Variants in MLIP observed in about 807,000 individuals in gnomAD.
The protein encoded by MLIP is muscular LMNA interacting protein, also known as muscular LMNA-interacting protein.
Under a neutral mutation model 84.8 loss-of-function variants are expected in MLIP, and 79 were observed. That is an observed-to-expected ratio of 0.93 (90% CI 0.78 to 1.12). The LOEUF (loss-of-function observed/expected upper bound fraction) is 1.12, where lower values mean the gene tolerates loss of function less well. Ranked by LOEUF, MLIP falls within the 50% of genes most tolerant of loss-of-function variation. The pLI, the probability that MLIP is intolerant of heterozygous loss-of-function variation, is 0.00. For missense variants in MLIP, 1,257 were observed against 1,160.6 expected (o/e 1.08, Z -1.21); for synonymous variants, 504 against 463.0 (o/e 1.09, Z -1.14).
chr6:54,025,565 C>T (rs1468690467), intron 1 of MLIP, among the ~76,000 whole-genome samples: 1 of 152,042 alleles, frequency 6.6e-6, no homozygotes, highest in Non-Finnish European at 1.5e-5. Context: ...ATTTTTTTGG[C>T]ATTACATCAT....
rs1032818379 is a variant in MLIP at position 54,160,362 on chromosome 6, A to T, written c.2290-5A>T. ...TCATATAAGAACTATTTCATTTGTCACTAGGCACTAGATGAACCAGCCAAG... is the reference window on the plus strand; with the variant it reads ...TCATATAAGAACTATTTCATTTGTCTCTAGGCACTAGATGAACCAGCCAAG... On this transcript the variant is annotated splice_region_variant and splice_polypyrimidine_tract_variant and intron_variant, in intron 5 of 13. Coordinates refer to ENST00000502396, the MANE Select transcript of MLIP (RefSeq NM_001281747.2). 9.3e-6 allele frequency: 15 copies of T among 1,610,760 alleles called. No homozygotes were observed. Among genetic ancestry groups the T allele is most frequent in the Middle Eastern group, 3.3e-4 (2 of 6,062 alleles).
intron 3 of MLIP, among the ~76,000 whole-genome samples, chr6:54,132,718 T>C (rs1390059428): frequency 1.3e-5 from 2 of 152,144 alleles, no homozygotes; most frequent in African/African-American, 4.8e-5. Flanking sequence ...AGGACCCAGC[T>C]GAGACTATAG....
intron 1 of MLIP, among the ~76,000 whole-genome samples, chr6:54,096,398 G>A (rs568159934): frequency 4.5e-4 from 68 of 152,252 alleles, no homozygotes; most frequent in African/African-American, 1.6e-3. Context: ...CCCAGATCCC[G>A]TTTTGAGAAA....
chr6:54,256,284 C>T (rs902136282), intron 12 of MLIP, among the ~76,000 whole-genome samples: 18 of 152,128 alleles, frequency 1.2e-4, no homozygotes, highest in Non-Finnish European at 2.4e-4. Flanking sequence ...CCTCCTTGGC[C>T]TCCCTAGCAG....
intron 11 of MLIP, among the ~76,000 whole-genome samples, chr6:54,222,577 C>T (rs1203523080): frequency 1.3e-5 from 2 of 151,944 alleles, no homozygotes; most frequent in African/African-American, 2.4e-5. Context: ...ATTAATATTC[C>T]ATTATATGTA....
intron 9 of MLIP, among the ~76,000 whole-genome samples, chr6:54,183,828 T>G (rs1485396379): frequency 7.2e-6 from 1 of 138,328 alleles, no homozygotes; most frequent in Non-Finnish European, 1.5e-5. Context: ...CACTGCAACC[T>G]CCGACTCTTA....
chr6:54,124,227 CAGTT>C (rs1770710072), intron 2 of MLIP, among the ~76,000 whole-genome samples: 1 of 152,102 alleles, frequency 6.6e-6, no homozygotes, highest in Non-Finnish European at 1.5e-5. Context: ...TACTTGAAAA[CAGTT>C]AGGTTTGCCT....
At chr6:54,083,922 G>A (rs577783323) in intron 1 of MLIP, among the ~76,000 whole-genome samples, 2 of 152,118 alleles carry the variant, frequency 1.3e-5, no homozygotes, top group East Asian at 1.9e-4. Flanking sequence ...AAATTGCTTT[G>A]CATTTAAGCT....
Position 54,111,459 on chromosome 6 carries a change from G to T in MLIP, c.-21G>T. The T allele has an allele frequency of 6.5e-7, 1 of 1,535,434 alleles. No individual in the cohort carries two copies. Among genetic ancestry groups the T allele is most frequent in the Admixed American group, 2.0e-5 (1 of 50,934 alleles). On this transcript the variant is annotated 5_prime_UTR_variant, in exon 1 of 14. Coordinates refer to ENST00000502396, the MANE Select transcript of MLIP (RefSeq NM_001281747.2). ...TCCCACCTCAGTCATTGGTTTGCTC[G>T]CTCCCTTATGTGATGAATCAATGCT...
intron 1 of MLIP, among the ~76,000 whole-genome samples, chr6:54,073,858 T>C (rs1025330306): frequency 6.6e-6 from 1 of 152,226 alleles, no homozygotes; most frequent in Non-Finnish European, 1.5e-5. Context: ...TAAATGAAGG[T>C]ATATCCACAT....
intron 1 of MLIP, among the ~76,000 whole-genome samples, chr6:54,027,456 T>C (rs2150274697): frequency 6.6e-6 from 1 of 152,174 alleles, no homozygotes; most frequent in East Asian, 1.9e-4. Context: ...AATGTTATTT[T>C]AAAAATGGTT....
chr6:54,266,022 T>C lies in MLIP; in HGVS notation c.*67T>C. On this transcript the variant is annotated 3_prime_UTR_variant, in exon 14 of 14. Transcript: ENST00000502396. The stretch of plus-strand genomic sequence containing the variant: ...TGGAATGCTGGTGCTAACCACTTGC[T>C]AGATTTAACTTTTTTTTTTTTTTCC... 6.5e-7 allele frequency: 1 copy of C among 1,534,104 alleles called. No individual in the cohort carries two copies. The highest frequency in any genetic ancestry group is 8.9e-7 in the Non-Finnish European group (1 of 1,126,060).
intron 12 of MLIP, among the ~76,000 whole-genome samples, chr6:54,233,769 C>T (rs1447227514): frequency 2.0e-5 from 3 of 152,248 alleles, no homozygotes; most frequent in Admixed American, 1.3e-4. Flanking sequence ...GAGGAATAGC[C>T]TTACTGTCTT....
chr6:54,062,263 T>C (rs1291979916), intron 1 of MLIP, among the ~76,000 whole-genome samples: 3 of 152,222 alleles, frequency 2.0e-5, no homozygotes, highest in Non-Finnish European at 2.9e-5. Flanking sequence ...TGAGTTGTTC[T>C]TCCTAACACA....
chr6:54,138,306 T>A lies in MLIP; in HGVS notation c.2217+20T>A. 1 of 1,507,250 alleles carries A rather than the reference T, an allele frequency of 6.6e-7. No individual in the cohort carries two copies. The highest frequency in any genetic ancestry group is 8.8e-7 in the Non-Finnish European group (1 of 1,133,134). 93.4% of individuals were successfully genotyped at this position (1,507,250 alleles called of 1,614,324 possible). A position where few individuals can be genotyped will look rare whatever the true frequency, so the allele number is the denominator to read the frequency against. On this transcript the variant is annotated intron_variant, in intron 4 of 13. Coordinates refer to ENST00000502396, the MANE Select transcript of MLIP (RefSeq NM_001281747.2). ...TCAAAGGTATTTTTTGCATGTTGCA[T>A]GGTGCATGCTTATTTTGAAACAGGG...
At chr6:54,177,865 T>C (rs1257073349) in intron 9 of MLIP, among the ~76,000 whole-genome samples, 2 of 152,124 alleles carry the variant, frequency 1.3e-5, no homozygotes, top group Non-Finnish European at 2.9e-5. Context: ...TATGTAGCCA[T>C]ATAAAGGAAA....
At chr6:54,037,423 G>A (rs1356802705) in intron 1 of MLIP, among the ~76,000 whole-genome samples, 1 of 151,864 alleles carries the variant, frequency 6.6e-6, no homozygotes, top group Non-Finnish European at 1.5e-5. Context: ...ATGCTTGTGT[G>A]TCAGTGTGTA....
intron 5 of MLIP, among the ~76,000 whole-genome samples, chr6:54,150,826 T>C (rs767185965): frequency 1.3e-5 from 2 of 152,216 alleles, no homozygotes; most frequent in African/African-American, 2.4e-5. Context: ...TATTCATTAG[T>C]CAGTGAAAAT....
chr6:54,191,266 A>G (rs1777895821), intron 10 of MLIP, among the ~76,000 whole-genome samples: 3 of 152,196 alleles, frequency 2.0e-5, no homozygotes, highest in Admixed American at 2.0e-4. Flanking sequence ...CCAACAAATC[A>G]TCTTGTCATT....
Sources: gnomAD v4.1 joint callset for allele counts (sites outside exome capture counted in the v4.1 genomes callset) on GRCh38, gnomAD v4.1.1 for gene constraint, MANE v1.5 for transcripts, NCBI Gene and HGNC (gene_info 2026-07-23, HGNC 2026-07-21) for gene names.